Variants in CUL1 observed in about 807,000 individuals in gnomAD.
CUL1 encodes cullin 1.
In CUL1, 24 loss-of-function variants were observed where a neutral mutation model predicts 118.0. The observed-to-expected ratio is 0.20, with a 90% CI of 0.15 to 0.29. The LOEUF (loss-of-function observed/expected upper bound fraction) is 0.29. Among genes scored for constraint, CUL1 ranks in the 10% least tolerant of loss-of-function variants. The pLI, the probability that CUL1 is intolerant of heterozygous loss-of-function variation, is 1.00. For missense variants in CUL1, 361 were observed against 933.8 expected (o/e 0.39, Z 7.99); for synonymous variants, 332 against 340.4 (o/e 0.98, Z 0.27).
chr7:148,753,518 G>A (rs546543254), intron 2 of CUL1, among the ~76,000 whole-genome samples: 2 of 152,340 alleles, frequency 1.3e-5, no homozygotes, highest in South Asian at 2.1e-4. Flanking sequence ...GGCTCTCTGA[G>A]TCATTTTAAA....
At position 148,789,742 on chromosome 7, in the gene CUL1, T is replaced by A. The variant is rs576988525; in HGVS notation, c.1598-8T>A. On this transcript the variant is annotated splice_polypyrimidine_tract_variant and splice_region_variant and intron_variant, in intron 14 of 21. Transcript: ENST00000325222. ...AATGTTCACTCTCCCCTCTCTTCCG[T>A]CCCACAGTGGATTTCAGCATTCAAG... is the stretch of plus-strand genomic sequence containing the variant. The A allele has an allele frequency of 3.7e-6, 6 of 1,613,462 alleles. No homozygotes were observed. The Admixed American group carries it at 5.0e-5, about 13-fold the overall frequency.
At chr7:148,729,221 A>G (rs1006541680) in intron 1 of CUL1, among the ~76,000 whole-genome samples, 8 of 152,226 alleles carry the variant, frequency 5.3e-5, no homozygotes, top group African/African-American at 1.9e-4. Context: ...ATTGTTAAGC[A>G]TTTACTCTGT....
At chr7:148,792,185 C>CAAAA (rs11340035) in intron 16 of CUL1, among the ~76,000 whole-genome samples, 2 of 143,722 alleles carry the variant, frequency 1.4e-5, no homozygotes, top group Non-Finnish European at 3.1e-5. Context: ...GACTTTGTCT[C>CAAAA]AAAAAAAAAA....
At position 148,752,431 on chromosome 7, in the gene CUL1, T is replaced by C. The variant is rs1001891708; in HGVS notation, c.141-1545T>C. Among the ~76,000 whole-genome samples, 133 of 152,200 alleles carry C rather than the reference T, an allele frequency of 8.7e-4. 1 individual carries two copies. The highest frequency in any genetic ancestry group is 2.1e-4 in the Non-Finnish European group (14 of 68,038). ...TTCTCTATACAATTGAAATAGTTAA[T>C]AATTTTTCATTGTTTTAAAGTATAG... On this transcript the variant is annotated intron_variant, in intron 2 of 21. Transcript: ENST00000325222.
chr7:148,780,260 G>C (rs1213292982), intron 9 of CUL1, among the ~76,000 whole-genome samples: 1 of 152,210 alleles, frequency 6.6e-6, no homozygotes, highest in Non-Finnish European at 1.5e-5. Flanking sequence ...GCGGGGAATG[G>C]AGAGAAGAAT....
Position 148,799,272 on chromosome 7 carries a change from T to C in CUL1, c.2137-3T>C, listed in dbSNP as rs771640682. On this transcript the variant is annotated splice_region_variant and splice_polypyrimidine_tract_variant and intron_variant, in intron 20 of 21. Coordinates refer to ENST00000325222, the MANE Select transcript of CUL1 (RefSeq NM_003592.3). ...ACTTCTTTTTCCTTATCTTGTTGCATAGGCGGCCATCGTGAGAATCATGAA... is the reference window on the plus strand; with the variant it reads ...ACTTCTTTTTCCTTATCTTGTTGCACAGGCGGCCATCGTGAGAATCATGAA... 3 of 1,611,150 alleles carry C rather than the reference T, an allele frequency of 1.9e-6. No homozygotes were observed. The highest frequency in any genetic ancestry group is 2.2e-5 in the South Asian group (2 of 90,974).
intron 9 of CUL1, among the ~76,000 whole-genome samples, chr7:148,782,175 T>C (rs1399930604): frequency 6.6e-6 from 1 of 152,242 alleles, no homozygotes; most frequent in African/African-American, 2.4e-5. Flanking sequence ...AATCTGAAAG[T>C]GATCTAAAAT....
At chr7:148,748,035 T>A (rs1799358743) in intron 2 of CUL1, among the ~76,000 whole-genome samples, 1 of 152,188 alleles carries the variant, frequency 6.6e-6, no homozygotes, top group Admixed American at 6.5e-5. Context: ...CATGTCATAT[T>A]TTAAGGTAAT....
At chr7:148,764,211 C>T (rs541462649) in intron 7 of CUL1, among the ~76,000 whole-genome samples, 1 of 152,290 alleles carries the variant, frequency 6.6e-6, no homozygotes, top group South Asian at 2.1e-4. Flanking sequence ...TAAAGACCAT[C>T]TTTAATTGCA....
At chr7:148,741,285 C>T (rs1799131067) in intron 2 of CUL1, among the ~76,000 whole-genome samples, 1 of 152,194 alleles carries the variant, frequency 6.6e-6, no homozygotes, top group Non-Finnish European at 1.5e-5. Context: ...ATTTCTGGGT[C>T]AGATGGTAAC....
intron 2 of CUL1, among the ~76,000 whole-genome samples, chr7:148,739,306 T>C (rs1799063415): frequency 6.6e-6 from 1 of 152,166 alleles, no homozygotes; most frequent in Non-Finnish European, 1.5e-5. Context: ...ATAGTTCAGT[T>C]GATTTAAAGC....
chr7:148,720,553 C>T (rs1004804836), intron 1 of CUL1, among the ~76,000 whole-genome samples: 2 of 152,096 alleles, frequency 1.3e-5, no homozygotes, highest in African/African-American at 4.8e-5. Flanking sequence ...AGTGAGATTG[C>T]ACGCAACATG....
chr7:148,705,579 C>T (rs907685074), intron 1 of CUL1, among the ~76,000 whole-genome samples: 4 of 152,146 alleles, frequency 2.6e-5, no homozygotes, highest in African/African-American at 9.7e-5. Flanking sequence ...GTTACGTGTG[C>T]CTAATAGGCA....
intron 7 of CUL1, among the ~76,000 whole-genome samples, chr7:148,762,800 T>G (rs543307754): frequency 4.6e-5 from 7 of 152,234 alleles, no homozygotes; most frequent in Non-Finnish European, 1.0e-4. Context: ...AGGAAACCAG[T>G]GTTCTAGGGC....
At chr7:148,719,583 A>G (rs1170596813) in intron 1 of CUL1, among the ~76,000 whole-genome samples, 3 of 152,240 alleles carry the variant, frequency 2.0e-5, no homozygotes, top group Non-Finnish European at 2.9e-5. Flanking sequence ...CTATATTTAC[A>G]AGATGCTGGT....
intron 4 of CUL1, 29 bp downstream of exon 4, chr7:148,757,179 A>T: frequency 7.2e-7 from 1 of 1,389,180 alleles, no homozygotes; most frequent in Non-Finnish European, 9.5e-7. Context: ...AACGTTTTAA[A>T]TTTGTTTTTG....
At chr7:148,710,082 G>T (rs1004751938) in intron 1 of CUL1, among the ~76,000 whole-genome samples, 1 of 152,088 alleles carries the variant, frequency 6.6e-6, no homozygotes, top group Non-Finnish European at 1.5e-5. Context: ...GTGAAACCCT[G>T]TGTCAAAAAT....
chr7:148,732,110 A>G (rs1179969742), intron 2 of CUL1, among the ~76,000 whole-genome samples: 1 of 152,106 alleles, frequency 6.6e-6, no homozygotes, highest in Non-Finnish European at 1.5e-5. Flanking sequence ...AGAAGATATT[A>G]TGCCCCCAAC....
In CUL1 at chr7:148,753,958, C is replaced by T; in HGVS notation, c.141-18C>T. On this transcript the variant is annotated intron_variant, in intron 2 of 21. Coordinates refer to ENST00000325222, the MANE Select transcript of CUL1 (RefSeq NM_003592.3). ...TAACGTCTGTGATATATGTTGGTTT[C>T]CTTAACTTTTCTCCAAGTCATGTTT... is the stretch of plus-strand genomic sequence containing the variant. 1.3e-6 allele frequency: 2 copies of T among 1,572,000 alleles called. No individual in the cohort carries two copies. Among genetic ancestry groups the T allele is most frequent in the Non-Finnish European group, 1.7e-6 (2 of 1,162,956 alleles).
Sources: gnomAD v4.1 joint callset for allele counts (sites outside exome capture counted in the v4.1 genomes callset) on GRCh38, gnomAD v4.1.1 for gene constraint, MANE v1.5 for transcripts, NCBI Gene and HGNC (gene_info 2026-07-23, HGNC 2026-07-21) for gene names.